The following FAT4 variants were observed in gnomAD, a reference collection of about 807,000 sequenced individuals.
FAT4 encodes protocadherin Fat 4.
In FAT4, 84 loss-of-function variants were observed where a neutral mutation model predicts 303.9. The observed-to-expected ratio is 0.28, with a 90% CI of 0.23 to 0.33. The LOEUF is 0.33. Among genes scored for constraint, FAT4 ranks in the 10% least tolerant of loss-of-function variants. FAT4 has a pLI of 1.00. For synonymous variants in FAT4, 2,307 were observed against 2,298.8 expected, an observed-to-expected ratio of 1.00 and a Z score of -0.10; for missense variants, 6,005 against 6,146.8, an observed-to-expected ratio of 0.98 and a Z score of 0.77.
chr4:125,362,263 T>C (rs1732704788), intron 2 of FAT4, among the ~76,000 whole-genome samples: 1 of 152,144 alleles, frequency 6.6e-6, no homozygotes, highest in Non-Finnish European at 1.5e-5. Flanking sequence ...TTTAGGGATA[T>C]GCAGACTATA....
At position 125,321,077 on chromosome 4, in the gene FAT4, G is replaced by C; in HGVS notation, c.4666G>C (p.Asp1556His). Residue 1556 changes from aspartate (D) to histidine (H), a missense_variant, in exon 2 of 18, where the codon GAT (aspartate) becomes CAT (histidine). Physicochemically the swap from Asp to His is moderately conservative, Grantham distance 81. Coordinates refer to ENST00000394329, the MANE Select transcript of FAT4 (RefSeq NM_001291303.3). ...GACAACAATTATGGCTGCTGACCCA[G>C]ATGAAGGTGCTAATGGAGAAATAGA... ...VLTTIMAADP[D>H]EGANGEIEYE... 1.2e-6 allele frequency: 2 copies of C among 1,614,190 alleles called. No individual in the cohort carries two copies. Among genetic ancestry groups the C allele is most frequent in the Non-Finnish European group, 1.7e-6 (2 of 1,180,016 alleles).
intron 8 of FAT4, among the ~76,000 whole-genome samples, chr4:125,439,125 G>A (rs1331412641): frequency 1.9e-4 from 29 of 152,048 alleles, no homozygotes; most frequent in Admixed American, 1.8e-3. Flanking sequence ...AAATCAGACT[G>A]TATTAATTCT....
At chr4:125,484,190 T>A (rs1239700812) in intron 16 of FAT4, among the ~76,000 whole-genome samples, 7 of 151,762 alleles carry the variant, frequency 4.6e-5, no homozygotes, top group African/African-American at 1.7e-4. Context: ...GGTGTCAGTG[T>A]CAGGTGTGGG....
chr4:125,482,397 C>G (rs1007517132), intron 16 of FAT4, among the ~76,000 whole-genome samples: 3 of 152,040 alleles, frequency 2.0e-5, no homozygotes, highest in Non-Finnish European at 4.4e-5. Flanking sequence ...AAATAAGATA[C>G]TAGACTTATA....
intron 5 of FAT4, among the ~76,000 whole-genome samples, chr4:125,413,825 A>C (rs1393232204): frequency 6.6e-6 from 1 of 152,028 alleles, no homozygotes; most frequent in African/African-American, 2.4e-5. Context: ...ATCACTTCTC[A>C]TAGGTAGAAT....
intron 12 of FAT4, among the ~76,000 whole-genome samples, chr4:125,473,668 A>G (rs988442996): frequency 6.6e-6 from 1 of 152,058 alleles, no homozygotes; most frequent in Non-Finnish European, 1.5e-5. Context: ...TATGTTGTCA[A>G]GTATACTATA....
rs146822665 is a variant in FAT4 at position 125,487,551 on chromosome 4, T to C, written c.13029T>C (p.Leu4343=). Residue 4343 remains leucine, a synonymous_variant, in exon 17 of 18, where the codon CTT becomes CTC. Transcript: ENST00000394329. The stretch of plus-strand genomic sequence containing the variant: ...AGGACTTCGGTGGCCTTGATGTGCT[T>C]ACTATATCACTTGGAGGAATTCCAC... ...PTQDFGGLDV[L]TISLGGIPPN... 290 of 1,613,706 alleles carry C rather than the reference T, an allele frequency of 1.8e-4. 1 individual carries two copies. Among genetic ancestry groups the C allele is most frequent in the Admixed American group, 3.7e-4 (22 of 60,004 alleles).
chr4:125,343,603 A>C (rs762641371), intron 2 of FAT4, among the ~76,000 whole-genome samples: 1 of 152,182 alleles, frequency 6.6e-6, no homozygotes, highest in Admixed American at 6.6e-5. Flanking sequence ...GAGTTCGAGT[A>C]TTGACTACCT....
chr4:125,349,284 A>T (rs1194789922), intron 2 of FAT4, among the ~76,000 whole-genome samples: 1 of 151,812 alleles, frequency 6.6e-6, no homozygotes, highest in Admixed American at 6.6e-5. Flanking sequence ...TGCATTATTC[A>T]GCATTCTATT....
chr4:125,429,039 G>C (rs557783773), intron 7 of FAT4, among the ~76,000 whole-genome samples: 7 of 152,200 alleles, frequency 4.6e-5, no homozygotes, highest in African/African-American at 1.4e-4. Flanking sequence ...ATCTATTTGA[G>C]CTAAACATTG....
rs1359540751 is a variant in FAT4, at chr4:125,449,432, A to G, written c.8422A>G (p.Ile2808Val). Residue 2808 changes from isoleucine to valine, a missense_variant, in exon 10 of 18, where the codon ATT becomes GTT. Ile to Val is a conservative substitution (Grantham distance 29). Coordinates refer to ENST00000394329, the MANE Select transcript of FAT4 (RefSeq NM_001291303.3). ...TSDEDIGINA[I>V]SRYSIMDASL... ...TGATGAAGACATTGGGATCAATGCA[A>G]TTAGTAGATATTCTATAATGGATGC... is the stretch of plus-strand genomic sequence containing the variant. The G allele has an allele frequency of 6.2e-7, 1 of 1,613,834 alleles. No individual in the cohort carries two copies. The highest frequency in any genetic ancestry group is 1.1e-5 in the South Asian group (1 of 91,066).
At chr4:125,468,136 A>G (rs1726730891) in intron 11 of FAT4, among the ~76,000 whole-genome samples, 1 of 152,104 alleles carries the variant, frequency 6.6e-6, no homozygotes, top group Non-Finnish European at 1.5e-5. Context: ...AGGCAACAAG[A>G]GCAAAACTCT....
At chr4:125,368,956 C>T (rs1279083853) in intron 2 of FAT4, among the ~76,000 whole-genome samples, 1 of 152,066 alleles carries the variant, frequency 6.6e-6, no homozygotes, top group Non-Finnish European at 1.5e-5. Context: ...CTTTGGAGAA[C>T]TGACAAAAGA....
At chr4:125,472,757 A>C (rs1431705897) in intron 12 of FAT4, among the ~76,000 whole-genome samples, 1 of 152,224 alleles carries the variant, frequency 6.6e-6, no homozygotes, top group Non-Finnish European at 1.5e-5. Flanking sequence ...AGGGGGAAAA[A>C]GAATAATGAT....
chr4:125,403,388 T>C (rs1363453686), intron 3 of FAT4, among the ~76,000 whole-genome samples: 1 of 152,050 alleles, frequency 6.6e-6, no homozygotes, highest in Non-Finnish European at 1.5e-5. Context: ...ACGCAGTATT[T>C]TGATTGTAAT....
chr4:125,386,290 T>A (rs960298952), intron 2 of FAT4, among the ~76,000 whole-genome samples: 29 of 152,154 alleles, frequency 1.9e-4, no homozygotes, highest in African/African-American at 7.0e-4. Flanking sequence ...TTGTTTTGAT[T>A]TTTTTGAGGC....
At chr4:125,326,347 T>C (rs1053961423) in intron 2 of FAT4, among the ~76,000 whole-genome samples, 5 of 151,762 alleles carry the variant, frequency 3.3e-5, no homozygotes, top group Non-Finnish European at 1.5e-5. Flanking sequence ...GTATTGAACC[T>C]CACAAGCAGA....
At chr4:125,461,449 A>G (rs1013889926) in intron 10 of FAT4, among the ~76,000 whole-genome samples, 6 of 152,036 alleles carry the variant, frequency 3.9e-5, no homozygotes, top group African/African-American at 1.4e-4. Flanking sequence ...TACCCTCTAC[A>G]TTTGTTACTT....
chr4:125,315,452 C>G lies in FAT4; in HGVS notation c.-538C>G, dbSNP rs1005349968. ...GACTGGGGCCGCCGGAGAACGACCC[C>G]CCCTGGCATGGTGAGGGGAGGGCGA... On this transcript the variant is annotated 5_prime_UTR_variant, in exon 1 of 18. Coordinates refer to ENST00000394329, the MANE Select transcript of FAT4 (RefSeq NM_001291303.3). Among the ~76,000 whole-genome samples, 1 of 152,196 alleles carries G rather than the reference C, an allele frequency of 6.6e-6. No homozygotes were observed. Among genetic ancestry groups the G allele is most frequent in the Non-Finnish European group, 1.5e-5 (1 of 68,042 alleles).
Sources: gnomAD v4.1 joint callset for allele counts (sites outside exome capture counted in the v4.1 genomes callset) on GRCh38, gnomAD v4.1.1 for gene constraint, MANE v1.5 for transcripts, NCBI Gene and HGNC (gene_info 2026-07-23, HGNC 2026-07-21) for gene names.